SLC66A1: variants seen among roughly 807,000 people sequenced by gnomAD.
SLC66A1 encodes lysosomal amino acid transporter 1 homolog.
A neutral mutation model predicts 33.0 loss-of-function variants in SLC66A1; 23 were observed. The observed-to-expected ratio is 0.70, with a 90% confidence interval of 0.50 to 0.99. The LOEUF is 0.99. SLC66A1 is among the 50% of genes least tolerant of loss of function. The pLI is 0.00. For synonymous variants in SLC66A1, 164 were observed against 175.5 expected, an observed-to-expected ratio of 0.93 and a Z score of 0.52; for missense variants, 335 against 383.6, an observed-to-expected ratio of 0.87 and a Z score of 1.06.
intron 2 of SLC66A1, among the ~76,000 whole-genome samples, chr1:19,320,721 C>CT (rs1449336273): frequency 8.7e-5 from 12 of 138,612 alleles, no homozygotes; most frequent in South Asian, 4.3e-4. Context: ...GGCCTCACTT[C>CT]TTTTTTTTTG....
intron 2 of SLC66A1, among the ~76,000 whole-genome samples, chr1:19,319,645 G>A (rs1007098417): frequency 3.0e-4 from 36 of 119,108 alleles, no homozygotes; most frequent in Admixed American, 4.9e-4. Flanking sequence ...GCTCACACCT[G>A]TAATGCTAGC....
intron 2 of SLC66A1, among the ~76,000 whole-genome samples, chr1:19,318,884 G>A (rs1399142469): frequency 1.3e-5 from 2 of 152,230 alleles, no homozygotes; most frequent in African/African-American, 4.8e-5. Flanking sequence ...CATTGGGGGT[G>A]AGAGCCAGGG....
Position 19,328,009 on chromosome 1 carries a change from C to A in SLC66A1, c.805-563C>A, listed in dbSNP as rs189100999. On this transcript the variant is annotated intron_variant, in intron 7 of 7. Coordinates refer to ENST00000375153, the MANE Select transcript of SLC66A1 (RefSeq NM_001040125.2). The surrounding 1 kb of genome is among the most constrained non-coding windows in gnomAD (Gnocchi z 4.7). ...CCTCTCTGTGCTGCCGTGTCTTCAC[C>A]TCAGTTAACAGCCACTGTCTCGTCA... The A allele has an allele frequency of 4.0e-6, 1 of 248,316 alleles. No individual in the cohort carries two copies. Among genetic ancestry groups the A allele is most frequent in the East Asian group, 1.1e-4 (1 of 8,854 alleles). The allele number at this position is 248,316 out of a possible 1,614,324, so 15.4% of individuals were successfully genotyped here. A position where few individuals can be genotyped will look rare whatever the true frequency, so the allele number is the denominator to read the frequency against.
At chr1:19,313,331 C>A in intron 1 of SLC66A1, 1 of 774,582 alleles carries the variant, frequency 1.3e-6, no homozygotes, top group Non-Finnish European at 1.6e-6. Context: ...TCCTTTCTCA[C>A]CCGTTTCCTC....
downstream of SLC66A1, among the ~76,000 whole-genome samples, chr1:19,333,168 C>T (rs2093897134): frequency 6.6e-6 from 1 of 152,200 alleles, no homozygotes; most frequent in African/African-American, 2.4e-5. This position sits in a 1 kb window ranked among gnomAD's most constrained non-coding sequence, Gnocchi z 4.2. Context: ...CGCGCCCTCC[C>T]TGGCTCTCTC....
In SLC66A1 at chr1:19,326,348, C is replaced by G; in HGVS notation, c.486C>G (p.Phe162Leu). Residue 162 changes from phenylalanine to leucine, a missense_variant, in exon 5 of 8, where the codon TTC (phenylalanine) becomes TTG (leucine). Transcript: ENST00000375153. ...CCGTGGCTGCCCCTAGGGAAGCCTT[C>G]CGGGGGCGGGCGCTCCTGTCCGTGG... ...AGPVAAPREA[F>L]RGRALLSVES... 1 of 1,606,558 alleles carries G rather than the reference C, an allele frequency of 6.2e-7. No homozygotes were observed. The highest frequency in any genetic ancestry group is 1.1e-5 in the South Asian group (1 of 90,928).
chr1:19,320,702 A>C (rs1370171141), intron 2 of SLC66A1, among the ~76,000 whole-genome samples: 1 of 149,378 alleles, frequency 6.7e-6, no homozygotes, highest in South Asian at 2.1e-4. Flanking sequence ...GGCGTGAGCC[A>C]CCGCACCTGG....
In SLC66A1 at chr1:19,317,594, C is replaced by A. The variant is rs2093812459; in HGVS notation, c.-78-6C>A. The A allele has an allele frequency of 3.2e-6, 5 of 1,559,444 alleles. No homozygotes were observed. The South Asian group carries it at 6.0e-5, about 19-fold the overall frequency. ...TGCTGAAAGCCTCCTCCCTTCCTCC[C>A]TGTAGAACCCTTGCTGGCCTCAGAA... On this transcript the variant is annotated splice_polypyrimidine_tract_variant and splice_region_variant and intron_variant, in intron 1 of 7. Transcript: ENST00000375153.
chr1:19,325,506 T>A lies in SLC66A1; in HGVS notation c.306T>A (p.Ala102=), dbSNP rs1343109287. The change falls in exon 4 of 8, where the codon GCT becomes GCA. Residue 102 remains alanine (A), a synonymous_variant. Transcript: ENST00000375153. ...TGCATCTCTTACAGACCTACACGGC[T>A]GTGTATTATGTCTTGGCAGACCTGG... ...ADQLPLQTYT[A]VYYVLADLVM... The A allele has an allele frequency of 1.2e-6, 2 of 1,607,274 alleles. No individual in the cohort carries two copies. The highest frequency in any genetic ancestry group is 1.7e-6 in the Non-Finnish European group (2 of 1,173,998).
chr1:19,326,460 T>C, intron 5 of SLC66A1, 71 bp from the exon 6 acceptor site: 1 of 1,612,588 alleles, frequency 6.2e-7, no homozygotes, highest in Non-Finnish European at 8.5e-7. Context: ...CACAGCCTCA[T>C]GGGTGCTAAA....
At chr1:19,321,567 A>ATTTTTTTTTT (rs35415316) in intron 2 of SLC66A1, among the ~76,000 whole-genome samples, 2 of 132,450 alleles carry the variant, frequency 1.5e-5, no homozygotes, top group Non-Finnish European at 1.6e-5. Flanking sequence ...GTCCAACCTC[A>ATTTTTTTTTT]TTTTTTTTTT....
chr1:19,320,617 G>A (rs7521086), intron 2 of SLC66A1, among the ~76,000 whole-genome samples: 46,117 of 151,326 alleles, frequency 0.3, 7,037 homozygotes, highest in South Asian at 0.34. Flanking sequence ...GGGTTTCACC[G>A]TGTTAGCCAG....
intron 4 of SLC66A1, 57 bp downstream of exon 4, chr1:19,325,639 G>GGA: frequency 9.2e-7 from 1 of 1,087,536 alleles, no homozygotes; most frequent in Non-Finnish European, 1.4e-6. Flanking sequence ...GGGCAGTTGT[G>GGA]GGGGGGGGCG....
In SLC66A1 at chr1:19,328,191, C is replaced by G. The variant is rs2093879568; in HGVS notation, c.805-381C>G. On this transcript the variant is annotated intron_variant, in intron 7 of 7. Transcript: ENST00000375153. This position sits in a 1 kb window ranked among gnomAD's most constrained non-coding sequence, Gnocchi z 4.7. ...GCCTTTGTTTTAATATTTGTTAAGT[C>G]CCTGCCGGGCGCAGGGAGGGGTGAA... 2.7e-6 allele frequency: 1 copy of G among 371,276 alleles called. No individual in the cohort carries two copies. The highest frequency in any genetic ancestry group is 2.1e-5 in the African/African-American group (1 of 47,730). 23.0% of individuals were successfully genotyped at this position (371,276 alleles called of 1,614,324 possible). A position where few individuals can be genotyped will look rare whatever the true frequency, so the allele number is the denominator to read the frequency against.
At chr1:19,324,463 C>T (rs1291588872) in intron 2 of SLC66A1, among the ~76,000 whole-genome samples, 170 bp from the exon 3 acceptor site, 2 of 152,328 alleles carry the variant, frequency 1.3e-5, no homozygotes, top group East Asian at 1.9e-4. Context: ...TCCAAAGGGC[C>T]GAGAAGGCTT....
intron 2 of SLC66A1, among the ~76,000 whole-genome samples, chr1:19,322,647 AG>A (rs2093843588): frequency 1.3e-5 from 2 of 152,142 alleles, no homozygotes; most frequent in Admixed American, 1.3e-4. Context: ...GGAGGCCCAG[AG>A]GAGGAACCGA....
intron 1 of SLC66A1, among the ~76,000 whole-genome samples, chr1:19,316,218 C>G (rs1354381282): frequency 1.3e-5 from 2 of 152,306 alleles, no homozygotes; most frequent in African/African-American, 4.8e-5. Flanking sequence ...AGGCATCCCC[C>G]CCACACTCTG....
downstream of SLC66A1, among the ~76,000 whole-genome samples, chr1:19,331,097 C>T (rs776774014): frequency 6.6e-6 from 1 of 152,182 alleles, no homozygotes; most frequent in Non-Finnish European, 1.5e-5. Flanking sequence ...CTGCAACCTC[C>T]GCCTCCCGGG....
chr1:19,316,478 C>T (rs1264457269), intron 1 of SLC66A1, among the ~76,000 whole-genome samples: 2 of 151,828 alleles, frequency 1.3e-5, no homozygotes, highest in African/African-American at 4.8e-5. Context: ...CCTCCACTTC[C>T]TGGGCTCAAG....
Sources: allele counts gnomAD v4.1 joint callset (sites outside exome capture counted in the v4.1 genomes callset), GRCh38; gene constraint gnomAD v4.1.1; non-coding constraint Gnocchi (gnomAD v3.1); transcripts MANE v1.5; gene names NCBI Gene and HGNC (gene_info 2026-07-23, HGNC 2026-07-21).